C17orf99: variants seen among roughly 807,000 people sequenced by gnomAD.
C17orf99 encodes protein IL-40.
A neutral mutation model predicts 22.6 loss-of-function variants in C17orf99; 18 were observed. That is an observed-to-expected ratio of 0.80 (90% CI 0.55 to 1.18). The LOEUF (loss-of-function observed/expected upper bound fraction) is 1.18. Ranked by LOEUF, C17orf99 falls within the 50% of genes most tolerant of loss-of-function variation. The probability of loss-of-function intolerance (pLI) is 0.00; values close to 1 mark genes in which losing one functional copy is unlikely to be tolerated. For missense variants in C17orf99, 328 were observed against 342.7 expected (o/e 0.96, Z 0.34); for synonymous variants, 147 against 136.6 (o/e 1.08, Z -0.53).
chr17:78,151,448 C>CAAA (rs2075482744), intron 2 of C17orf99, among the ~76,000 whole-genome samples: 1 of 114,758 alleles, frequency 8.7e-6, no homozygotes. Context: ...AAAAAAAAAG[C>CAAA]AAAAGACAAA....
chr17:78,153,444 C>G (rs2075500916), intron 2 of C17orf99, among the ~76,000 whole-genome samples: 1 of 151,808 alleles, frequency 6.6e-6, no homozygotes, highest in African/African-American at 2.4e-5. Context: ...AAGATCGTGT[C>G]ACTGCAGTCC....
At position 78,146,506 on chromosome 17, in the gene C17orf99, G is replaced by A. The variant is rs2075438461; in HGVS notation, c.37+62G>A. On this transcript the variant is annotated intron_variant, in intron 1 of 4. Transcript: ENST00000340363. This position sits in a 1 kb window ranked among gnomAD's most constrained non-coding sequence, Gnocchi z 5.2. ...TGGGGCCTTGAGGTCTTGGGCTCAG[G>A]TGGGGGTACTGGGAGCACAGGAGAG... 6.8e-7 allele frequency: 1 copy of A among 1,465,894 alleles called. No individual in the cohort carries two copies. The highest frequency in any genetic ancestry group is 9.3e-7 in the Non-Finnish European group (1 of 1,074,146). The allele number at this position is 1,465,894 out of a possible 1,614,324, so 90.8% of individuals were successfully genotyped here. A position where few individuals can be genotyped will look rare whatever the true frequency, so the allele number is the denominator to read the frequency against.
At chr17:78,158,240 C>G in intron 2 of C17orf99, 1 of 581,556 alleles carries the variant, frequency 1.7e-6, no homozygotes, top group South Asian at 1.5e-5. Flanking sequence ...CCCAAGAGGC[C>G]CCCTCCCCCA....
At position 78,152,409 on chromosome 17, in the gene C17orf99, G is replaced by A. The variant is rs1197481402; in HGVS notation, c.70+5498G>A. On this transcript the variant is annotated intron_variant, in intron 2 of 4. Coordinates refer to ENST00000340363, the MANE Select transcript of C17orf99 (RefSeq NM_001163075.2). ...GAGTGCAGTGGTGCAATCTTGGCTCGCTGCAGCCTCCACCTTCCAGGTTCA... is the reference window on the plus strand; with the variant it reads ...GAGTGCAGTGGTGCAATCTTGGCTCACTGCAGCCTCCACCTTCCAGGTTCA... Among the ~76,000 whole-genome samples the A allele has an allele frequency of 4.0e-5, 6 of 150,420 alleles. No homozygotes were observed. In the South Asian group the frequency reaches 6.3e-4, roughly 16 times the overall value.
chr17:78,146,979 T>G lies in C17orf99; in HGVS notation c.70+68T>G. 1 of 1,411,244 alleles carries G rather than the reference T, an allele frequency of 7.1e-7. No homozygotes were observed. Among genetic ancestry groups the G allele is most frequent in the Non-Finnish European group, 9.8e-7 (1 of 1,019,462 alleles). The allele number at this position is 1,411,244 out of a possible 1,614,324, so 87.4% of individuals were successfully genotyped here. On this transcript the variant is annotated intron_variant, in intron 2 of 4. Transcript: ENST00000340363. The surrounding 1 kb of genome is among the most constrained non-coding windows in gnomAD (Gnocchi z 5.2). ...GACCCTGGTGTCAGAACCCCCATGG[T>G]GGAGGGCGCCTCGGCTGGGAAGGGA...
chr17:78,158,527 C>T (rs574388708), intron 2 of C17orf99: 134 of 167,500 alleles, frequency 8.0e-4, no homozygotes, highest in Non-Finnish European at 3.1e-4. Context: ...GATCTCCTGA[C>T]CTCGTGATCC....
Position 78,155,593 on chromosome 17 carries a change from G to A in C17orf99, c.71-5362G>A, listed in dbSNP as rs182531950. Among the ~76,000 whole-genome samples the A allele has an allele frequency of 2.5e-3, 380 of 151,964 alleles. 1 individual carries two copies. The highest frequency in any genetic ancestry group is 7.3e-3 in the African/African-American group (303 of 41,438). On this transcript the variant is annotated intron_variant, in intron 2 of 4. Transcript: ENST00000340363. ...TGGCCTCCCAAAGTGCTGGTATTAC[G>A]GGCCTGAGCTACTGTGCCCACCTGA...
intron 2 of C17orf99, among the ~76,000 whole-genome samples, chr17:78,155,091 G>A (rs1375844927): frequency 6.6e-6 from 1 of 151,122 alleles, no homozygotes; most frequent in Admixed American, 6.6e-5. Flanking sequence ...GACATCCTTG[G>A]CCTCTACCCA....
At chr17:78,159,665 G>T (rs2075557950) in intron 2 of C17orf99, among the ~76,000 whole-genome samples, 1 of 151,006 alleles carries the variant, frequency 6.6e-6, no homozygotes, top group South Asian at 2.1e-4. Flanking sequence ...CCGCTATCTA[G>T]TTCCGAGAGA....
In C17orf99 at chr17:78,146,853, C is replaced by T; in HGVS notation, c.38-26C>T. 6.4e-7 allele frequency: 1 copy of T among 1,551,000 alleles called. No individual in the cohort carries two copies. The highest frequency in any genetic ancestry group is 8.7e-7 in the Non-Finnish European group (1 of 1,146,452). ...GTCTCCCCTCCACACCAGGCCCTCT[C>T]CTTATCGCCCTTACCTCTCTTACAG... On this transcript the variant is annotated intron_variant, in intron 1 of 4. Coordinates refer to ENST00000340363, the MANE Select transcript of C17orf99 (RefSeq NM_001163075.2). This position sits in a 1 kb window ranked among gnomAD's most constrained non-coding sequence, Gnocchi z 5.2.
At position 78,161,181 on chromosome 17, in the gene C17orf99, C is replaced by T. The variant is rs1356057385; in HGVS notation, c.297C>T (p.Phe99=). 14 of 1,551,794 alleles carry T rather than the reference C, an allele frequency of 9.0e-6. No individual in the cohort carries two copies. The highest frequency in any genetic ancestry group is 1.4e-5 in the African/African-American group (1 of 73,174). The part of the protein sequence containing the change: ...LKSSPDLLTY[F]CWASSTSGAH... Reference sequence around the variant, plus strand: ...CCAGTCCAGACCTGCTCACCTACTTCTGCTGGGCGTCCTCCACCTCAGGTG... The same window carrying T: ...CCAGTCCAGACCTGCTCACCTACTTTTGCTGGGCGTCCTCCACCTCAGGTG... The change falls in exon 3 of 5, where the codon TTC becomes TTT. Residue 99 remains phenylalanine (F), a synonymous_variant. Transcript: ENST00000340363.
At chr17:78,157,397 G>A (rs1362448036) in intron 2 of C17orf99, 13 of 1,238,486 alleles carry the variant, frequency 1.0e-5, no homozygotes, top group South Asian at 3.6e-5. Context: ...CAGTGAGTTC[G>A]TGCGAGTTGG....
intron 2 of C17orf99, among the ~76,000 whole-genome samples, chr17:78,157,159 G>A (rs773561444): frequency 4.0e-5 from 6 of 150,726 alleles, no homozygotes; most frequent in African/African-American, 7.3e-5. Flanking sequence ...GTGAAACTCC[G>A]TCTCTACTAA....
chr17:78,149,860 C>T (rs1176187270), intron 2 of C17orf99, among the ~76,000 whole-genome samples: 1 of 152,112 alleles, frequency 6.6e-6, no homozygotes, highest in African/African-American at 2.4e-5. Flanking sequence ...CAGGCACATG[C>T]CACCACGCCC....
At chr17:78,154,897 A>T (rs552682762) in intron 2 of C17orf99, among the ~76,000 whole-genome samples, 17 of 152,268 alleles carry the variant, frequency 1.1e-4, no homozygotes, top group African/African-American at 4.1e-4. Flanking sequence ...TGAAATTTTC[A>T]AAGGGGCACA....
At chr17:78,155,130 T>TG in intron 2 of C17orf99, among the ~76,000 whole-genome samples, 4 of 106,850 alleles carry the variant, frequency 3.7e-5, no homozygotes, top group African/African-American at 5.5e-5. Context: ...CCCTATTTTT[T>TG]TTTTTTTTTT....
At position 78,161,710 on chromosome 17, in the gene C17orf99, G is replaced by A. The variant is rs556186139; in HGVS notation, c.370+456G>A. Among the ~76,000 whole-genome samples the A allele has an allele frequency of 7.9e-5, 12 of 152,152 alleles. No individual in the cohort carries two copies. The South Asian group carries it at 1.0e-3, about 13-fold the overall frequency. ...ATTACAAAGATTAGCTGGGCGTGGCGGGGTGCACCTGTAGTTCCAGCTACT... is the reference window on the plus strand; with the variant it reads ...ATTACAAAGATTAGCTGGGCGTGGCAGGGTGCACCTGTAGTTCCAGCTACT... On this transcript the variant is annotated intron_variant, in intron 3 of 4. Coordinates refer to ENST00000340363, the MANE Select transcript of C17orf99 (RefSeq NM_001163075.2).
At chr17:78,161,516 G>A (rs1264690560) in intron 3 of C17orf99, among the ~76,000 whole-genome samples, 1 of 152,166 alleles carries the variant, frequency 6.6e-6, no homozygotes, top group Non-Finnish European at 1.5e-5. Context: ...CCCGATGGTG[G>A]CAGAAATGAC....
chr17:78,151,011 T>C (rs1960094229), intron 2 of C17orf99, among the ~76,000 whole-genome samples: 1 of 151,984 alleles, frequency 6.6e-6, no homozygotes, highest in South Asian at 2.1e-4. Flanking sequence ...TAATCCCAGC[T>C]ACTCAGGAGG....
Sources: allele counts gnomAD v4.1 joint callset (sites outside exome capture counted in the v4.1 genomes callset), GRCh38; gene constraint gnomAD v4.1.1; non-coding constraint Gnocchi (gnomAD v3.1); transcripts MANE v1.5; gene names NCBI Gene and HGNC (gene_info 2026-07-23, HGNC 2026-07-21).